ACSL3: variants seen among roughly 807,000 people sequenced by gnomAD.
ACSL3 encodes the protein acyl-CoA synthetase long chain family member 3, also known as fatty acid CoA ligase Acsl3.
Under a neutral mutation model 84.7 loss-of-function variants are expected in ACSL3, and 34 were observed. The ratio of observed to expected loss-of-function variants is 0.40; its 90% CI spans 0.31 to 0.53. The LOEUF (loss-of-function observed/expected upper bound fraction) is 0.53. ACSL3 is among the 20% of genes least tolerant of loss of function. The pLI is 0.48. For synonymous variants in ACSL3, 315 were observed against 299.4 expected, an observed-to-expected ratio of 1.05 and a Z score of -0.54; for missense variants, 680 against 873.1, an observed-to-expected ratio of 0.78 and a Z score of 2.79.
intron 2 of ACSL3, among the ~76,000 whole-genome samples, chr2:222,891,775 CCTCT>C (rs527644729): frequency 2.8e-4 from 43 of 152,192 alleles, no homozygotes; most frequent in African/African-American, 1.0e-3. Flanking sequence ...AATGTTCCTC[CCTCT>C]CTCCTTTCCA....
At chr2:222,902,352 C>T (rs1309046320) in intron 3 of ACSL3, among the ~76,000 whole-genome samples, 3 of 152,142 alleles carry the variant, frequency 2.0e-5, no homozygotes, top group Non-Finnish European at 4.4e-5. Flanking sequence ...TTAGTTGTTA[C>T]TTAGCGTCCC....
chr2:222,925,030 C>CAA (rs55727337), intron 11 of ACSL3, among the ~76,000 whole-genome samples: 10 of 137,276 alleles, frequency 7.3e-5, no homozygotes, highest in African/African-American at 2.7e-4. Flanking sequence ...GAATCCGTCT[C>CAA]AAAAAAAAAA....
In ACSL3 at chr2:222,934,591, C is replaced by T; in HGVS notation, c.1909C>T (p.Arg637Ter). 1 of 1,603,034 alleles carries T rather than the reference C, an allele frequency of 6.2e-7. No individual in the cohort carries two copies. The highest frequency in any genetic ancestry group is 8.5e-7 in the Non-Finnish European group (1 of 1,175,168). ...PNQKELTELA[R>*]KKGLKGTWEE... Reference sequence around the variant, plus strand: ...TCAAAAGGAACTAACTGAACTAGCTCGAAAGAAAGGACTTAAAGGGACTTG... The same window carrying T: ...TCAAAAGGAACTAACTGAACTAGCTTGAAAGAAAGGACTTAAAGGGACTTG... Residue 637 changes from arginine to a stop codon, truncating the protein, a stop_gained, in exon 16 of 17, where the codon CGA (arginine) becomes TGA (stop). Transcript: ENST00000357430. LOFTEE classifies it high-confidence loss of function.
At chr2:222,916,520 G>T in intron 5 of ACSL3, 24 bp downstream of exon 5, 2 of 1,520,256 alleles carry the variant, frequency 1.3e-6, no homozygotes, top group Non-Finnish European at 1.8e-6. Context: ...CTTATCTTCT[G>T]GAAGAATGAA....
chr2:222,915,206 C>G (rs950554949), intron 4 of ACSL3, among the ~76,000 whole-genome samples: 17 of 152,158 alleles, frequency 1.1e-4, no homozygotes, highest in Non-Finnish European at 1.9e-4. Flanking sequence ...TTGGAGCTCC[C>G]TGTGCTGAGC....
chr2:222,871,108 A>G (rs375614637), intron 1 of ACSL3, among the ~76,000 whole-genome samples: 2 of 152,262 alleles, frequency 1.3e-5, no homozygotes, highest in Admixed American at 6.5e-5. Context: ...AGGGGATGAC[A>G]GAGGAAGCAG....
At chr2:222,862,429 G>C (rs952048499) in intron 1 of ACSL3, among the ~76,000 whole-genome samples, 1 of 152,176 alleles carries the variant, frequency 6.6e-6, no homozygotes, top group Non-Finnish European at 1.5e-5. Context: ...AGTCTGGGTG[G>C]CCAGGAGAGT....
chr2:222,922,568 C>CTCTG, intron 8 of ACSL3, 140 bp from the exon 9 acceptor site: 1 of 1,022,900 alleles, frequency 9.8e-7, no homozygotes, highest in East Asian at 2.4e-5. Context: ...CTCTCTCTCT[C>CTCTG]TCACAAACAC....
At chr2:222,866,115 T>C (rs1408726765) in intron 1 of ACSL3, among the ~76,000 whole-genome samples, 1 of 152,236 alleles carries the variant, frequency 6.6e-6, no homozygotes, top group Non-Finnish European at 1.5e-5. Context: ...GGCCAAATGC[T>C]GTTCTAATTT....
At chr2:222,912,778 C>A (rs1016273136) in intron 4 of ACSL3, among the ~76,000 whole-genome samples, 1 of 152,162 alleles carries the variant, frequency 6.6e-6, no homozygotes, top group Non-Finnish European at 1.5e-5. Flanking sequence ...AGCTTCACTA[C>A]GACCAGATTC....
intron 5 of ACSL3, 46 bp downstream of exon 5, chr2:222,916,542 T>A: frequency 1.3e-6 from 2 of 1,481,884 alleles, no homozygotes; most frequent in Non-Finnish European, 9.0e-7. Context: ...TTAACTGATA[T>A]TTATTGAAAT....
chr2:222,881,967 T>A (rs928413146), intron 1 of ACSL3, among the ~76,000 whole-genome samples: 1 of 152,244 alleles, frequency 6.6e-6, no homozygotes, highest in African/African-American at 2.4e-5. Flanking sequence ...TGTATCATTC[T>A]TTTAACTCAA....
intron 3 of ACSL3, among the ~76,000 whole-genome samples, chr2:222,901,256 GA>G (rs1696140717): frequency 6.6e-6 from 1 of 152,174 alleles, no homozygotes; most frequent in Non-Finnish European, 1.5e-5. Flanking sequence ...ATGGTGTAAG[GA>G]AGGGTTACAA....
intron 12 of ACSL3, among the ~76,000 whole-genome samples, chr2:222,928,351 C>G (rs116651530): frequency 0.011 from 1,626 of 152,296 alleles, 15 homozygotes; most frequent in African/African-American, 0.024. Context: ...GTGTTTTATA[C>G]TGCACATCGG....
At chr2:222,871,090 C>T (rs954392003) in intron 1 of ACSL3, among the ~76,000 whole-genome samples, 1 of 152,036 alleles carries the variant, frequency 6.6e-6, no homozygotes, top group African/African-American at 2.4e-5. Context: ...TGAGAAAGGG[C>T]AGGAGGCAGG....
intron 16 of ACSL3, among the ~76,000 whole-genome samples, chr2:222,935,034 A>C (rs1457850152): frequency 1.3e-5 from 2 of 152,142 alleles, no homozygotes; most frequent in East Asian, 3.8e-4. Flanking sequence ...ACTTTATACA[A>C]TGTTAGAGTA....
At chr2:222,912,359 A>G (rs1696466978) in intron 4 of ACSL3, among the ~76,000 whole-genome samples, 1 of 152,192 alleles carries the variant, frequency 6.6e-6, no homozygotes, top group Non-Finnish European at 1.5e-5. Context: ...GCATTGCATC[A>G]GTAGCAGCAT....
chr2:222,908,437 C>A, intron 3 of ACSL3, among the ~76,000 whole-genome samples: 1 of 152,136 alleles, frequency 6.6e-6, no homozygotes, highest in East Asian at 1.9e-4. Context: ...TTTGGTCTTC[C>A]CCCAACCCTC....
intron 16 of ACSL3, 64 bp downstream of exon 16, chr2:222,934,751 AC>A: frequency 6.5e-7 from 1 of 1,540,578 alleles, no homozygotes; most frequent in Non-Finnish European, 8.8e-7. Flanking sequence ...CATGCATTCA[AC>A]CTGTTTTAAG....
Sources: gnomAD v4.1 joint callset for allele counts (sites outside exome capture counted in the v4.1 genomes callset) on GRCh38, gnomAD v4.1.1 for gene constraint, MANE v1.5 for transcripts, NCBI Gene and HGNC (gene_info 2026-07-23, HGNC 2026-07-21) for gene names.